PATJ: variants seen among roughly 807,000 people sequenced by gnomAD.
PATJ encodes the protein PATJ crumbs cell polarity complex component.
A neutral mutation model predicts 224.9 loss-of-function variants in PATJ; 190 were observed. The ratio of observed to expected loss-of-function variants is 0.84; its 90% CI spans 0.75 to 0.95. PATJ has a LOEUF of 0.95. Ranked by LOEUF, PATJ falls within the 40% of genes least tolerant of loss-of-function variation. The pLI, the probability that PATJ is intolerant of heterozygous loss-of-function variation, is 0.00. For missense variants in PATJ, 2,121 were observed against 2,270.3 expected (o/e 0.93, Z 1.34); for synonymous variants, 769 against 820.3 (o/e 0.94, Z 1.07).
chr1:61,842,083 C>T (rs1661185947), intron 17 of PATJ, among the ~76,000 whole-genome samples: 1 of 152,024 alleles, frequency 6.6e-6, no homozygotes, highest in African/African-American at 2.4e-5. Context: ...TGAAGGGAGC[C>T]CACTCCTGGT....
chr1:61,771,722 TCC>T, intron 6 of PATJ, 96 bp downstream of exon 6: 1 of 962,044 alleles, frequency 1.0e-6, no homozygotes, highest in African/African-American at 1.7e-5. Flanking sequence ...TACCTTTCTT[TCC>T]TTTTTTTTTT....
chr1:61,743,906 T>C (rs1053484083), intron 1 of PATJ, among the ~76,000 whole-genome samples: 1 of 152,054 alleles, frequency 6.6e-6, no homozygotes. Flanking sequence ...AAGGAAACTT[T>C]TATTGGCAAA....
chr1:61,975,568 C>G (rs1644084253), intron 27 of PATJ, among the ~76,000 whole-genome samples: 1 of 151,900 alleles, frequency 6.6e-6, no homozygotes, highest in Non-Finnish European at 1.5e-5. Flanking sequence ...ACATCCATTC[C>G]TATAATTGCT....
At chr1:62,141,024 CAGTACCCTGGAGAGTGA>C (rs1667447324) in intron 41 of PATJ, among the ~76,000 whole-genome samples, 1 of 151,996 alleles carries the variant, frequency 6.6e-6, no homozygotes, top group East Asian at 1.9e-4. Flanking sequence ...TGTCTCCCTG[CAGTACCCTGGAGAGTGA>C]AGTACCCCGG....
At chr1:61,900,898 T>C (rs1671069432) in intron 23 of PATJ, among the ~76,000 whole-genome samples, 1 of 152,250 alleles carries the variant, frequency 6.6e-6, no homozygotes. Context: ...CATATGTGGC[T>C]TTCTTGATTT....
intron 15 of PATJ, among the ~76,000 whole-genome samples, chr1:61,825,227 C>CT (rs1442702804): frequency 6.6e-6 from 1 of 152,094 alleles, no homozygotes; most frequent in Non-Finnish European, 1.5e-5. Context: ...TTTTAACAGG[C>CT]TATATGGGCT....
chr1:61,940,650 A>T (rs971697978), intron 27 of PATJ, among the ~76,000 whole-genome samples: 3 of 151,094 alleles, frequency 2.0e-5, no homozygotes, highest in African/African-American at 7.3e-5. Flanking sequence ...CGGGAGGTGG[A>T]GGTTGCAGTG....
chr1:61,930,532 A>AGTGCT (rs1462898141), intron 27 of PATJ, among the ~76,000 whole-genome samples: 1 of 152,118 alleles, frequency 6.6e-6, no homozygotes, highest in East Asian at 1.9e-4. Context: ...CCTACAGGGA[A>AGTGCT]GTGCTGATTT....
chr1:62,045,569 CTG>C (rs1175808938), intron 30 of PATJ, among the ~76,000 whole-genome samples: 2 of 104,112 alleles, frequency 1.9e-5, no homozygotes, highest in Non-Finnish European at 5.3e-5. Flanking sequence ...ACATAATTGA[CTG>C]TGGAATCCAC....
In PATJ at chr1:62,103,726, C is replaced by G. The variant is rs149625007; in HGVS notation, c.4378-4711C>G. Among the ~76,000 whole-genome samples the G allele has an allele frequency of 7.2e-4, 109 of 151,800 alleles. 4 individuals carry two copies. The East Asian group carries it at 0.017, about 24-fold the overall frequency. On this transcript the variant is annotated intron_variant, in intron 33 of 43. Coordinates refer to ENST00000642238, the MANE Select transcript of PATJ (RefSeq NM_001350145.3). ...CCGAGATTGCACCATTGCACTCCAG[C>G]CTGGGCAAAAGAGTAAGACTCTGTC... is the stretch of plus-strand genomic sequence containing the variant.
At chr1:61,827,256 TTGCATA>T (rs897220045) in intron 15 of PATJ, among the ~76,000 whole-genome samples, 160 bp from the exon 16 acceptor site, 2 of 152,196 alleles carry the variant, frequency 1.3e-5, no homozygotes, top group Admixed American at 6.5e-5. Flanking sequence ...ACATTTTTAT[TTGCATA>T]TTATTTAATC....
intron 5 of PATJ, among the ~76,000 whole-genome samples, chr1:61,770,666 G>A (rs1646548360): frequency 6.6e-6 from 1 of 152,116 alleles, no homozygotes; most frequent in Non-Finnish European, 1.5e-5. Context: ...GATTGGCCAA[G>A]CTCAGTGTCT....
chr1:61,891,046 C>CAA (rs559211382), intron 22 of PATJ, among the ~76,000 whole-genome samples: 13,256 of 134,590 alleles, frequency 0.098, 701 homozygotes, highest in South Asian at 0.27. Flanking sequence ...TGTTGATTAA[C>CAA]AAAAAAAAAA....
chr1:61,796,724 T>TTCTC (rs1223383945), intron 10 of PATJ, among the ~76,000 whole-genome samples: 13 of 52,746 alleles, frequency 2.5e-4, no homozygotes, highest in African/African-American at 9.5e-4. Flanking sequence ...CTTTCTTTCT[T>TTCTC]TTTCTTTCTT....
intron 7 of PATJ, among the ~76,000 whole-genome samples, chr1:61,779,241 G>A (rs1017755975): frequency 2.0e-5 from 3 of 152,174 alleles, no homozygotes; most frequent in African/African-American, 4.8e-5. Flanking sequence ...ATGCCATGGT[G>A]GGGGCTGGCA....
At chr1:62,050,934 A>G (rs777582654) in intron 30 of PATJ, 32 bp from the exon 31 acceptor site, 1 of 1,526,326 alleles carries the variant, frequency 6.6e-7, no homozygotes, top group Non-Finnish European at 9.1e-7. Flanking sequence ...GAAGAATGAC[A>G]TCTTTGCCAT....
intron 38 of PATJ, 152 bp downstream of exon 38, chr1:62,121,447 T>G: frequency 1.6e-6 from 1 of 615,336 alleles, no homozygotes. Flanking sequence ...AGGCATGTTC[T>G]GAAGGTAGGA....
chr1:61,840,707 A>G (rs1352094918), intron 17 of PATJ, among the ~76,000 whole-genome samples: 1 of 152,006 alleles, frequency 6.6e-6, no homozygotes, highest in Non-Finnish European at 1.5e-5. Flanking sequence ...GTAAGGCTTT[A>G]GTGGATATTT....
intron 31 of PATJ, among the ~76,000 whole-genome samples, chr1:62,053,450 T>G (rs1653998225): frequency 6.6e-6 from 1 of 152,056 alleles, no homozygotes; most frequent in East Asian, 1.9e-4. Flanking sequence ...CCGGGCACAG[T>G]GGCTCACGCC....
Sources: allele counts gnomAD v4.1 joint callset (sites outside exome capture counted in the v4.1 genomes callset), GRCh38; gene constraint gnomAD v4.1.1; transcripts MANE v1.5; gene names NCBI Gene and HGNC (gene_info 2026-07-23, HGNC 2026-07-21).